PLPP1: variants seen among roughly 807,000 people sequenced by gnomAD.
PLPP1 encodes the protein lipid phosphate phosphohydrolase 1a.
In PLPP1, 24 loss-of-function variants were observed where a neutral mutation model predicts 31.2. The ratio of observed to expected loss-of-function variants is 0.77; its 90% confidence interval spans 0.56 to 1.08. The LOEUF is 1.08. PLPP1 is among the 50% of genes least tolerant of loss of function. The pLI is 0.00. For synonymous variants in PLPP1, 146 were observed against 126.3 expected (o/e 1.16, Z -1.05); for missense variants, 319 against 342.7 (o/e 0.93, Z 0.55).
chr5:55,491,548 C>T (rs1361047740), intron 1 of PLPP1, among the ~76,000 whole-genome samples: 2 of 151,934 alleles, frequency 1.3e-5, no homozygotes, highest in Non-Finnish European at 2.9e-5. Context: ...ATCATAACAA[C>T]CAAATGTCAT....
chr5:55,432,053 C>CT (rs1341189245), intron 4 of PLPP1, among the ~76,000 whole-genome samples: 1 of 151,866 alleles, frequency 6.6e-6, no homozygotes, highest in Non-Finnish European at 1.5e-5. Flanking sequence ...TCCTGAGTAG[C>CT]TGGGACTACA....
chr5:55,519,530 C>A (rs1156410397), intron 1 of PLPP1, among the ~76,000 whole-genome samples: 5 of 152,030 alleles, frequency 3.3e-5, no homozygotes, highest in Non-Finnish European at 7.4e-5. Flanking sequence ...GGGTGGATCA[C>A]CTGAGGTCAG....
intron 3 of PLPP1, among the ~76,000 whole-genome samples, chr5:55,462,876 G>A (rs1231765908): frequency 1.3e-5 from 2 of 152,066 alleles, no homozygotes; most frequent in African/African-American, 4.8e-5. Context: ...AAGAGGCTCA[G>A]GCAGGAGAAT....
intron 4 of PLPP1, among the ~76,000 whole-genome samples, chr5:55,430,586 A>G (rs140280746): frequency 6.6e-6 from 1 of 152,358 alleles, no homozygotes; most frequent in East Asian, 1.9e-4. Flanking sequence ...TCTTAAGGAA[A>G]ATATCCTCCC....
chr5:55,510,355 C>A (rs1753378730), intron 1 of PLPP1, among the ~76,000 whole-genome samples: 1 of 152,030 alleles, frequency 6.6e-6, no homozygotes, highest in African/African-American at 2.4e-5. Context: ...GGATAGAGAA[C>A]ACATCACTGT....
chr5:55,451,529 G>A (rs1240637338), intron 3 of PLPP1, among the ~76,000 whole-genome samples: 3 of 151,598 alleles, frequency 2.0e-5, no homozygotes, highest in Non-Finnish European at 4.4e-5. Context: ...GACTAACACA[G>A]TGCCACAATA....
intron 3 of PLPP1, among the ~76,000 whole-genome samples, chr5:55,450,822 C>A (rs1161907517): frequency 2.0e-5 from 3 of 152,196 alleles, no homozygotes; most frequent in Non-Finnish European, 4.4e-5. Context: ...ACTGTAACAC[C>A]TTGCCCACCA....
At chr5:55,495,736 T>TAC (rs139449145) in intron 1 of PLPP1, among the ~76,000 whole-genome samples, 8,251 of 151,026 alleles carry the variant, frequency 0.055, 232 homozygotes, top group Middle Eastern at 0.076. Context: ...TCATATGTAT[T>TAC]ACACACACAC....
chr5:55,443,212 T>TAC lies in PLPP1; in HGVS notation c.492-1306_492-1305dup, dbSNP rs960914383. ...AAAAAAATATATATATATATATATA[T>TAC]ACACACACACACACACACACACATA... On this transcript the variant is annotated intron_variant, in intron 3 of 5. Transcript: ENST00000307259. 4.6e-3 allele frequency among the ~76,000 whole-genome samples: 479 copies of TAC among 104,982 alleles called. 5 individuals carry two copies. Among genetic ancestry groups the TAC allele is most frequent in the African/African-American group, 0.016 (405 of 26,000 alleles). The allele number at this position is 104,982 out of a possible 152,430, so 68.9% of individuals were successfully genotyped here.
chr5:55,491,882 A>C (rs1752899665), intron 1 of PLPP1, among the ~76,000 whole-genome samples: 1 of 139,944 alleles, frequency 7.1e-6, no homozygotes, highest in East Asian at 2.0e-4. Context: ...AAAAAGAAAG[A>C]AAAGAAAGAA....
Position 55,426,054 on chromosome 5 carries a change from T to C in PLPP1, c.550-15A>G. ...TGAAGATAAAGCTAAAAGAAAAGAA[T>C]AAAGAAAAAAATAGTTTATTTAACA... On this transcript the variant is annotated splice_polypyrimidine_tract_variant and intron_variant, in intron 4 of 5. Transcript: ENST00000307259. 6.4e-7 allele frequency: 1 copy of C among 1,560,706 alleles called. No individual in the cohort carries two copies.
chr5:55,473,979 T>G lies in PLPP1; in HGVS notation c.210+1320A>C, dbSNP rs376889127. Among the ~76,000 whole-genome samples, 816 of 111,982 alleles carry G rather than the reference T, an allele frequency of 7.3e-3. 7 individuals are homozygous for G. The highest frequency in any genetic ancestry group is 0.025 in the African/African-American group (783 of 31,356). 73.5% of individuals were successfully genotyped at this position (111,982 alleles called of 152,430 possible). ...CCACCACATCCACCATATTTTCTGG[T>G]TTTTTTGTTTGTTTGTTGTTTTTTT... On this transcript the variant is annotated intron_variant, in intron 2 of 5. Coordinates refer to ENST00000307259, the MANE Select transcript of PLPP1 (RefSeq NM_003711.4).
Position 55,453,201 on chromosome 5 carries a change from T to C in PLPP1, c.492-11293A>G, listed in dbSNP as rs181894718. Among the ~76,000 whole-genome samples the C allele has an allele frequency of 2.6e-5, 4 of 152,332 alleles. No homozygotes were observed. The East Asian group carries it at 7.7e-4, about 29-fold the overall frequency. On this transcript the variant is annotated intron_variant, in intron 3 of 5. Coordinates refer to ENST00000307259, the MANE Select transcript of PLPP1 (RefSeq NM_003711.4). ...AAATGGCTTCACAAGAAGTATACTT[T>C]AACAACTTATGTTTTGACAGTTATA...
At chr5:55,480,498 T>C (rs1443105789) in intron 1 of PLPP1, among the ~76,000 whole-genome samples, 1 of 152,068 alleles carries the variant, frequency 6.6e-6, no homozygotes, top group Non-Finnish European at 1.5e-5. Context: ...TATCTGTCTC[T>C]ACACAAATTT....
In PLPP1 at chr5:55,425,884, T is replaced by C; in HGVS notation, c.705A>G (p.Gly235=). The C allele has an allele frequency of 1.2e-6, 2 of 1,607,698 alleles. No homozygotes were observed. The highest frequency in any genetic ancestry group is 1.7e-4 in the Middle Eastern group (1 of 6,036). ...TTACAACTAATATTGCAACCAGAGC[T>C]CCCTGAATGAGTCCAGTCAACACAT... ...WSDVLTGLIQ[G]ALVAILVAVY... The change falls in exon 5 of 6, where the codon GGA becomes GGG. Residue 235 remains glycine (G), a synonymous_variant. Coordinates refer to ENST00000307259, the MANE Select transcript of PLPP1 (RefSeq NM_003711.4).
chr5:55,490,814 A>T (rs1752872727), intron 1 of PLPP1: 1 of 880,474 alleles, frequency 1.1e-6, no homozygotes. Flanking sequence ...CTCTGGACTA[A>T]AACAGTGGGT....
At chr5:55,458,760 T>C (rs1752077568) in intron 3 of PLPP1, among the ~76,000 whole-genome samples, 1 of 151,618 alleles carries the variant, frequency 6.6e-6, no homozygotes, top group Non-Finnish European at 1.5e-5. Flanking sequence ...TGGTGGCGCA[T>C]GCCTGTAATC....
At chr5:55,435,177 C>G (rs553189764) in intron 4 of PLPP1, among the ~76,000 whole-genome samples, 1 of 152,164 alleles carries the variant, frequency 6.6e-6, no homozygotes, top group Admixed American at 6.5e-5. Context: ...AAATGCAAGT[C>G]AAAACCACAA....
At chr5:55,460,147 G>A (rs1752122401) in intron 3 of PLPP1, among the ~76,000 whole-genome samples, 1 of 152,108 alleles carries the variant, frequency 6.6e-6, no homozygotes, top group Non-Finnish European at 1.5e-5. Flanking sequence ...TGCACAGGGG[G>A]TCAGCGCCCC....
Sources: allele counts gnomAD v4.1 joint callset (sites outside exome capture counted in the v4.1 genomes callset), GRCh38; gene constraint gnomAD v4.1.1; transcripts MANE v1.5; gene names NCBI Gene and HGNC (gene_info 2026-07-23, HGNC 2026-07-21).